LRRC1: variants seen among roughly 807,000 people sequenced by gnomAD.
LRRC1 encodes the protein leucine-rich repeat-containing protein 1.
In LRRC1, 28 loss-of-function variants were observed where a neutral mutation model predicts 69.9. The observed-to-expected ratio is 0.40, with a 90% CI of 0.30 to 0.55. The LOEUF is 0.55. Ranked by LOEUF, LRRC1 falls within the 20% of genes least tolerant of loss-of-function variation. The pLI, the probability that LRRC1 is intolerant of heterozygous loss-of-function variation, is 0.47. For missense variants in LRRC1, 498 were observed against 609.0 expected (o/e 0.82, Z 1.92); for synonymous variants, 236 against 240.2 (o/e 0.98, Z 0.16).
Position 53,896,794 on chromosome 6 carries a change from T to C in LRRC1, c.504-35T>C, listed in dbSNP as rs368738674. On this transcript the variant is annotated intron_variant, in intron 5 of 13. Coordinates refer to ENST00000370888, the MANE Select transcript of LRRC1 (RefSeq NM_018214.5). ...CTATATTGCTCAGCATTTCTAAGTA[T>C]TCTCTAAGTGCTCTTTATTTATTTT... The C allele has an allele frequency of 3.0e-6, 4 of 1,354,702 alleles. No homozygotes were observed. In the South Asian group the frequency reaches 3.6e-5, roughly 12 times the overall value. The allele number at this position is 1,354,702 out of a possible 1,614,324, so 83.9% of individuals were successfully genotyped here.
At chr6:53,902,896 AC>A (rs1252051072) in intron 9 of LRRC1, 149 bp downstream of exon 9, 25 of 574,292 alleles carry the variant, frequency 4.4e-5, no homozygotes, top group Non-Finnish European at 6.7e-5. Context: ...TCAGTTTTTA[AC>A]CTGCTTAAGC....
rs1448763334 is a variant in LRRC1, at chr6:53,844,232, T to C, written c.277+2005T>C. Among the ~76,000 whole-genome samples the C allele has an allele frequency of 2.9e-5, 4 of 136,052 alleles. No individual in the cohort carries two copies. In the East Asian group the frequency reaches 1.1e-3, roughly 38 times the overall value. The allele number at this position is 136,052 out of a possible 152,430, so 89.3% of individuals were successfully genotyped here. A position where few individuals can be genotyped will look rare whatever the true frequency, so the allele number is the denominator to read the frequency against. On this transcript the variant is annotated intron_variant, in intron 2 of 13. Coordinates refer to ENST00000370888, the MANE Select transcript of LRRC1 (RefSeq NM_018214.5). ...ACCTAAGTTATAAAGAATGACTAGCTATTAACTCTGCAAGGAAGCAGTGAC... is the reference window on the plus strand; with the variant it reads ...ACCTAAGTTATAAAGAATGACTAGCCATTAACTCTGCAAGGAAGCAGTGAC...
intron 10 of LRRC1, among the ~76,000 whole-genome samples, chr6:53,906,849 G>A (rs1467266385): frequency 3.3e-5 from 5 of 152,240 alleles, no homozygotes; most frequent in Admixed American, 6.5e-5. Flanking sequence ...AGCAGAGAAT[G>A]TTTAGGTTTT....
intron 2 of LRRC1, among the ~76,000 whole-genome samples, chr6:53,857,730 A>G (rs140966892): frequency 0.02 from 3,078 of 152,304 alleles, 64 homozygotes; most frequent in South Asian, 0.028. Flanking sequence ...GACACCAAAG[A>G]CAGTGTCAAA....
chr6:53,799,991 G>C (rs539700868), intron 1 of LRRC1, among the ~76,000 whole-genome samples: 1 of 152,110 alleles, frequency 6.6e-6, no homozygotes, highest in Non-Finnish European at 1.5e-5. Flanking sequence ...CTTCTGCTGA[G>C]GCTCTTTAGG....
intron 2 of LRRC1, among the ~76,000 whole-genome samples, chr6:53,845,907 A>G (rs956171667): frequency 3.3e-5 from 5 of 152,174 alleles, no homozygotes; most frequent in African/African-American, 9.7e-5. Flanking sequence ...TCCTGTGGTT[A>G]GGAGCCCACA....
intron 2 of LRRC1, among the ~76,000 whole-genome samples, chr6:53,857,184 G>A (rs955416910): frequency 6.6e-6 from 1 of 152,158 alleles, no homozygotes; most frequent in Non-Finnish European, 1.5e-5. Flanking sequence ...GATGGTTCAA[G>A]CCACAGGTAG....
intron 3 of LRRC1, 61 bp from the exon 4 acceptor site, chr6:53,882,826 G>A: frequency 1.1e-6 from 1 of 941,344 alleles, no homozygotes; most frequent in Non-Finnish European, 1.7e-6. Flanking sequence ...ATTTATGCTT[G>A]GTATACACTA....
At chr6:53,900,145 C>T (rs1768012287) in intron 8 of LRRC1, among the ~76,000 whole-genome samples, 1 of 150,082 alleles carries the variant, frequency 6.7e-6, no homozygotes, top group Non-Finnish European at 1.5e-5. Context: ...TCACACCATT[C>T]TCCTGCCTCA....
intron 3 of LRRC1, among the ~76,000 whole-genome samples, 178 bp from the exon 4 acceptor site, chr6:53,882,709 G>T (rs1396775799): frequency 6.6e-6 from 1 of 152,110 alleles, no homozygotes; most frequent in Non-Finnish European, 1.5e-5. Context: ...ACGAAGTCTT[G>T]TTTTTTCCTT....
At chr6:53,812,287 A>G (rs985317069) in intron 1 of LRRC1, among the ~76,000 whole-genome samples, 9 of 152,206 alleles carry the variant, frequency 5.9e-5, no homozygotes, top group Non-Finnish European at 1.5e-5. Context: ...AAAGCAAACC[A>G]GGGCAGAATT....
intron 2 of LRRC1, among the ~76,000 whole-genome samples, chr6:53,846,731 A>G (rs1358236825): frequency 6.6e-6 from 1 of 152,252 alleles, no homozygotes; most frequent in Non-Finnish European, 1.5e-5. Context: ...CAAAAAGTGT[A>G]CAGACTTAGA....
chr6:53,904,590 CTG>C (rs1400261274), intron 10 of LRRC1, 128 bp downstream of exon 10: 2 of 586,306 alleles, frequency 3.4e-6, no homozygotes, highest in Non-Finnish European at 5.9e-6. Context: ...AACTCTAAAT[CTG>C]TGAGTATAGA....
intron 11 of LRRC1, 56 bp downstream of exon 11, chr6:53,914,025 T>C: frequency 8.3e-7 from 1 of 1,199,502 alleles, no homozygotes; most frequent in Non-Finnish European, 1.2e-6. Context: ...TACATCCCAA[T>C]CTTGGCAGTG....
Position 53,901,864 on chromosome 6 carries a change from C to T in LRRC1, c.788-765C>T, listed in dbSNP as rs539442816. Reference sequence around the variant, plus strand: ...CTGTGGCTGCACCCGAGGCAAGATACGCCTTTCGGTATTTTTCTTTCTCCA... The same window carrying T: ...CTGTGGCTGCACCCGAGGCAAGATATGCCTTTCGGTATTTTTCTTTCTCCA... On this transcript the variant is annotated intron_variant, in intron 8 of 13. Coordinates refer to ENST00000370888, the MANE Select transcript of LRRC1 (RefSeq NM_018214.5). Among the ~76,000 whole-genome samples the T allele has an allele frequency of 5.9e-5, 9 of 152,362 alleles. No individual in the cohort carries two copies. The East Asian group carries it at 1.7e-3, about 29-fold the overall frequency.
At chr6:53,815,626 G>A (rs952203083) in intron 1 of LRRC1, among the ~76,000 whole-genome samples, 1 of 152,176 alleles carries the variant, frequency 6.6e-6, no homozygotes, top group Non-Finnish European at 1.5e-5. Flanking sequence ...AAGGCCCAGA[G>A]ACTTTCCAGA....
intron 2 of LRRC1, among the ~76,000 whole-genome samples, chr6:53,853,085 C>CT (rs1300295885): frequency 6.6e-6 from 1 of 152,044 alleles, no homozygotes; most frequent in Non-Finnish European, 1.5e-5. Flanking sequence ...CTTCTATTTT[C>CT]TTTTTATTGT....
At chr6:53,893,263 G>GA (rs1406283457) in intron 4 of LRRC1, among the ~76,000 whole-genome samples, 2 of 152,066 alleles carry the variant, frequency 1.3e-5, no homozygotes, top group Non-Finnish European at 1.5e-5. Flanking sequence ...TTATTTTAGG[G>GA]AAAATCGAGA....
intron 13 of LRRC1, 40 bp from the exon 14 acceptor site, chr6:53,922,595 G>A (rs1479982327): frequency 1.3e-6 from 2 of 1,555,260 alleles, no homozygotes; most frequent in Non-Finnish European, 1.7e-6. Flanking sequence ...AAAAAGTAGT[G>A]GAATAAAACC....
Sources: gnomAD v4.1 joint callset for allele counts (sites outside exome capture counted in the v4.1 genomes callset) on GRCh38, gnomAD v4.1.1 for gene constraint, MANE v1.5 for transcripts, NCBI Gene and HGNC (gene_info 2026-07-23, HGNC 2026-07-21) for gene names.